Variants in PTPRO observed in about 807,000 individuals in gnomAD.
PTPRO encodes protein tyrosine phosphatase receptor type O.
A neutral mutation model predicts 145.2 loss-of-function variants in PTPRO; 62 were observed. The observed-to-expected ratio is 0.43, with a 90% confidence interval of 0.35 to 0.53. The LOEUF is 0.53. Among genes scored for constraint, PTPRO ranks in the 20% least tolerant of loss-of-function variants. The pLI, the probability that PTPRO is intolerant of heterozygous loss-of-function variation, is 0.01. For synonymous variants in PTPRO, 565 were observed against 514.7 expected, an observed-to-expected ratio of 1.10 and a Z score of -1.32; for missense variants, 1,345 against 1,482.7, an observed-to-expected ratio of 0.91 and a Z score of 1.53.
In PTPRO at chr12:15,501,817, A is replaced by T. The variant is rs1049369429; in HGVS notation, c.859A>T (p.Asn287Tyr). 6.2e-7 allele frequency: 1 copy of T among 1,614,008 alleles called. No individual in the cohort carries two copies. Among genetic ancestry groups the T allele is most frequent in the African/African-American group, 1.3e-5 (1 of 74,936 alleles). ...CATTTCTTCCGGTTGGCCTGATTTT[A>T]ATAGCAGTGACTATGAAACTACGTC... is the stretch of plus-strand genomic sequence containing the variant. Reference protein sequence around the residue: ...GNISSGWPDFNSSDYETTSQP... With the variant: ...GNISSGWPDFYSSDYETTSQP... The change falls in exon 5 of 27, where the codon AAT (asparagine) becomes TAT (tyrosine). Residue 287 changes from asparagine (N) to tyrosine (Y), a missense_variant. Asn to Tyr is a moderately radical substitution (Grantham distance 143). This residue lies in a region of PTPRO where 1,130 missense variants were observed against 1,214.7 expected (regional missense o/e 0.93). Coordinates refer to ENST00000281171, the MANE Select transcript of PTPRO (RefSeq NM_030667.3).
chr12:15,471,664 G>A (rs552395510), intron 1 of PTPRO, among the ~76,000 whole-genome samples: 1 of 152,170 alleles, frequency 6.6e-6, no homozygotes, highest in South Asian at 2.1e-4. Context: ...TTCTAGGAAG[G>A]GCAAAGGCTC....
intron 18 of PTPRO, among the ~76,000 whole-genome samples, chr12:15,569,020 G>A (rs937202698): frequency 6.6e-6 from 1 of 152,266 alleles, no homozygotes; most frequent in South Asian, 2.1e-4. Context: ...CGATTCTCTA[G>A]GATAACACAG....
chr12:15,453,033 C>G (rs1364508169), intron 1 of PTPRO, among the ~76,000 whole-genome samples: 8 of 150,486 alleles, frequency 5.3e-5, no homozygotes, highest in Non-Finnish European at 8.9e-5. Context: ...CTTTTTTTTT[C>G]TTGGTAGAAG....
rs142659495 is a variant in PTPRO at position 15,412,886 on chromosome 12, C to T, written c.76-71088C>T. Reference sequence around the variant, plus strand: ...TCGTCTCACTACAAACTTCACCTCCCGGGTTCAAGTTATTCTCCTGCCTCA... The same window carrying T: ...TCGTCTCACTACAAACTTCACCTCCTGGGTTCAAGTTATTCTCCTGCCTCA... On this transcript the variant is annotated intron_variant, in intron 1 of 26. Coordinates refer to ENST00000281171, the MANE Select transcript of PTPRO (RefSeq NM_030667.3). Among the ~76,000 whole-genome samples the T allele has an allele frequency of 7.8e-3, 1,193 of 152,262 alleles. 17 individuals are homozygous for T. The highest frequency in any genetic ancestry group is 0.027 in the African/African-American group (1,141 of 41,538).
At chr12:15,332,928 A>G (rs1267996974) in intron 1 of PTPRO, among the ~76,000 whole-genome samples, 1 of 152,234 alleles carries the variant, frequency 6.6e-6, no homozygotes, top group Non-Finnish European at 1.5e-5. Context: ...CTGATGGCTT[A>G]TAAAGATAAA....
chr12:15,554,277 G>A (rs1301519648), intron 15 of PTPRO, among the ~76,000 whole-genome samples: 1 of 152,144 alleles, frequency 6.6e-6, no homozygotes, highest in Non-Finnish European at 1.5e-5. Context: ...GAGGATTCCA[G>A]GTCAGAGTTG....
chr12:15,557,376 A>C (rs1330208986), intron 15 of PTPRO, 79 bp from the exon 16 acceptor site: 1 of 1,272,490 alleles, frequency 7.9e-7, no homozygotes, highest in Admixed American at 1.7e-5. Context: ...TAAGCTGGTA[A>C]AGACTCTCTT....
chr12:15,362,691 C>G (rs1348118711), intron 1 of PTPRO, among the ~76,000 whole-genome samples: 1 of 151,326 alleles, frequency 6.6e-6, no homozygotes, highest in African/African-American at 2.4e-5. Flanking sequence ...AAATATGAAC[C>G]CACACATCAA....
chr12:15,449,306 G>GCTTGGTTTTCA (rs1940988608), intron 1 of PTPRO, among the ~76,000 whole-genome samples: 1 of 152,212 alleles, frequency 6.6e-6, no homozygotes, highest in Non-Finnish European at 1.5e-5. Context: ...ATACTCCTAA[G>GCTTGGTTTTCA]CTTGGTTTTC....
intron 12 of PTPRO, among the ~76,000 whole-genome samples, chr12:15,533,444 T>C (rs1467339292): frequency 6.6e-6 from 1 of 152,220 alleles, no homozygotes; most frequent in African/African-American, 2.4e-5. Flanking sequence ...ACTAATCATG[T>C]TATTGTGTAT....
At chr12:15,520,900 C>T (rs1253984789) in intron 10 of PTPRO, among the ~76,000 whole-genome samples, 2 of 152,040 alleles carry the variant, frequency 1.3e-5, no homozygotes, top group African/African-American at 2.4e-5. Flanking sequence ...TTATTTATTA[C>T]AACTTCATTA....
intron 15 of PTPRO, among the ~76,000 whole-genome samples, chr12:15,554,335 T>C (rs1419392432): frequency 1.3e-5 from 2 of 152,086 alleles, no homozygotes; most frequent in Non-Finnish European, 2.9e-5. Flanking sequence ...GTCAGAGTTC[T>C]CTAGAGGGTC....
intron 7 of PTPRO, among the ~76,000 whole-genome samples, chr12:15,514,798 C>G (rs1395443196): frequency 6.6e-6 from 1 of 151,950 alleles, no homozygotes; most frequent in Non-Finnish European, 1.5e-5. Flanking sequence ...TTGTCTCACT[C>G]TGTTGCCCAG....
intron 1 of PTPRO, among the ~76,000 whole-genome samples, chr12:15,375,839 C>G (rs1938670664): frequency 6.8e-6 from 1 of 148,080 alleles, no homozygotes; most frequent in African/African-American, 2.5e-5. Flanking sequence ...AGCATAATAA[C>G]TAAAACAGAA....
At chr12:15,555,090 T>C (rs1360461908) in intron 15 of PTPRO, among the ~76,000 whole-genome samples, 4 of 150,904 alleles carry the variant, frequency 2.7e-5, no homozygotes, top group Non-Finnish European at 4.4e-5. Context: ...ACAAAAAAAT[T>C]AGCCAGGCGT....
intron 11 of PTPRO, 138 bp from the exon 12 acceptor site, chr12:15,526,004 G>T (rs926002302): frequency 5.3e-6 from 6 of 1,125,452 alleles, no homozygotes; most frequent in Non-Finnish European, 8.0e-6. Context: ...AAGATATAAC[G>T]TATCTATAAT....
In PTPRO at chr12:15,322,572, G is replaced by A; in HGVS notation, c.-155G>A. 1.4e-6 allele frequency: 1 copy of A among 702,942 alleles called. No homozygotes were observed. Among genetic ancestry groups the A allele is most frequent in the African/African-American group, 1.8e-5 (1 of 56,544 alleles). The allele number at this position is 702,942 out of a possible 1,614,324, so 43.5% of individuals were successfully genotyped here. ...GACCCCGGGCGCAGAGGAGGAAAGGGAGCAGGCGCAGGGGGACTGGAAAGG... is the reference window on the plus strand; with the variant it reads ...GACCCCGGGCGCAGAGGAGGAAAGGAAGCAGGCGCAGGGGGACTGGAAAGG... On this transcript the variant is annotated 5_prime_UTR_variant, in exon 1 of 27. Transcript: ENST00000281171. This position sits in a 1 kb window ranked among gnomAD's most constrained non-coding sequence, Gnocchi z 6.3.
At chr12:15,458,656 G>T (rs1285233157) in intron 1 of PTPRO, among the ~76,000 whole-genome samples, 1 of 150,900 alleles carries the variant, frequency 6.6e-6, no homozygotes, top group Non-Finnish European at 1.5e-5. Context: ...TTTAGTTATT[G>T]TATTCTTCAG....
At chr12:15,421,526 G>A (rs1940145498) in intron 1 of PTPRO, among the ~76,000 whole-genome samples, 1 of 152,208 alleles carries the variant, frequency 6.6e-6, no homozygotes, top group Non-Finnish European at 1.5e-5. Context: ...CAAATGCTGT[G>A]ATCCTAGAGA....
Sources: gnomAD v4.1 joint callset for allele counts (sites outside exome capture counted in the v4.1 genomes callset) on GRCh38, gnomAD v4.1.1 for gene constraint, gnomAD v4.1.1 regional missense constraint, Gnocchi (gnomAD v3.1) non-coding constraint, MANE v1.5 for transcripts, NCBI Gene and HGNC (gene_info 2026-07-23, HGNC 2026-07-21) for gene names.